PUM3: variants seen among roughly 807,000 people sequenced by gnomAD.
PUM3 encodes the protein pumilio RNA binding family member 3.
PUM3 carries 91 observed loss-of-function variants against 84.0 expected under a neutral mutation model. The observed-to-expected ratio is 1.08, with a 90% CI of 0.91 to 1.29. PUM3 has a LOEUF of 1.29. Among genes scored for constraint, PUM3 ranks in the 50% most tolerant of loss-of-function variants. The probability of loss-of-function intolerance (pLI) is 0.00; values close to 1 mark genes in which losing one functional copy is unlikely to be tolerated. For synonymous variants in PUM3, 321 were observed against 266.7 expected (o/e 1.20, Z -1.98); for missense variants, 1,067 against 767.5 (o/e 1.39, Z -4.61).
At chr9:2,825,216 C>A (rs75794714) in intron 10 of PUM3, among the ~76,000 whole-genome samples, 1,604 of 152,204 alleles carry the variant, frequency 0.011, 33 homozygotes, top group African/African-American at 0.037. Flanking sequence ...CAAAAGAGAC[C>A]TGTATGCAAT....
At chr9:2,820,994 G>T (rs952934877) in intron 12 of PUM3, among the ~76,000 whole-genome samples, 1 of 152,122 alleles carries the variant, frequency 6.6e-6, no homozygotes, top group African/African-American at 2.4e-5. Flanking sequence ...TTTGATTTTT[G>T]ATAATAGCCC....
chr9:2,825,181 G>C (rs193135638), intron 10 of PUM3, among the ~76,000 whole-genome samples: 1 of 152,226 alleles, frequency 6.6e-6, no homozygotes, highest in Non-Finnish European at 1.5e-5. Flanking sequence ...TAACAGAATA[G>C]CGAGACAAAG....
chr9:2,837,043 T>C (rs1364356578), intron 3 of PUM3, 137 bp downstream of exon 3: 2 of 702,418 alleles, frequency 2.8e-6, no homozygotes, highest in Admixed American at 4.9e-5. Flanking sequence ...AGATGCTTTG[T>C]TGTTTATTTA....
At chr9:2,822,430 A>T (rs1401153000) in intron 12 of PUM3, among the ~76,000 whole-genome samples, 1 of 152,040 alleles carries the variant, frequency 6.6e-6, no homozygotes, top group Non-Finnish European at 1.5e-5. Context: ...ATTCCAAATA[A>T]TCCATGGATC....
At chr9:2,809,420 GT>G (rs1469240520) in intron 16 of PUM3, among the ~76,000 whole-genome samples, 2 of 152,050 alleles carry the variant, frequency 1.3e-5, no homozygotes, top group African/African-American at 4.8e-5. Context: ...TATTCCATAT[GT>G]TATTTTTTTC....
chr9:2,833,932 G>A, intron 4 of PUM3, 99 bp downstream of exon 4: 4 of 1,277,528 alleles, frequency 3.1e-6, no homozygotes, highest in Non-Finnish European at 4.4e-6. Context: ...TAACCCAAGT[G>A]CTATGTCATT....
intron 1 of PUM3, among the ~76,000 whole-genome samples, chr9:2,843,396 A>G (rs949647285): frequency 5.9e-5 from 9 of 151,996 alleles, no homozygotes; most frequent in African/African-American, 2.2e-4. Context: ...GTTTCCTCCC[A>G]GCACTTAGAA....
rs367627528 is a variant in PUM3 at position 2,833,301 on chromosome 9, G to C, written c.516+56C>G. 14 of 903,878 alleles carry C rather than the reference G, an allele frequency of 1.5e-5. No homozygotes were observed. The African/African-American group carries it at 2.2e-4, about 14-fold the overall frequency. 56.0% of individuals were successfully genotyped at this position (903,878 alleles called of 1,614,324 possible). A position where few individuals can be genotyped will look rare whatever the true frequency, so the allele number is the denominator to read the frequency against. On this transcript the variant is annotated intron_variant, in intron 5 of 17. Transcript: ENST00000397885. ...CTGTCATGAATGGTCAGCTACTCCT[G>C]AGAGTGAGGCAACTTCAACTGTTAA...
In PUM3 at chr9:2,812,374, T is replaced by A. The variant is rs187851746; in HGVS notation, c.1270-12A>T. The stretch of plus-strand genomic sequence containing the variant: ...GAACTGATAATTTCCTATAAAATTA[T>A]AAACAAAAAAAAAGAATCAATATCT... On this transcript the variant is annotated splice_polypyrimidine_tract_variant and intron_variant, in intron 13 of 17. Coordinates refer to ENST00000397885, the MANE Select transcript of PUM3 (RefSeq NM_014878.5). The A allele has an allele frequency of 6.6e-7, 1 of 1,512,126 alleles. No individual in the cohort carries two copies. The highest frequency in any genetic ancestry group is 1.4e-5 in the African/African-American group (1 of 70,854). The allele number at this position is 1,512,126 out of a possible 1,614,324, so 93.7% of individuals were successfully genotyped here. A position where few individuals can be genotyped will look rare whatever the true frequency, so the allele number is the denominator to read the frequency against.
At position 2,833,265 on chromosome 9, in the gene PUM3, G is replaced by A. The variant is rs1300208219; in HGVS notation, c.516+92C>T. 6 of 588,282 alleles carry A rather than the reference G, an allele frequency of 1.0e-5. No individual in the cohort carries two copies. In the East Asian group the frequency reaches 1.9e-4, roughly 18 times the overall value. 36.4% of individuals were successfully genotyped at this position (588,282 alleles called of 1,614,324 possible). A position where few individuals can be genotyped will look rare whatever the true frequency, so the allele number is the denominator to read the frequency against. On this transcript the variant is annotated intron_variant, in intron 5 of 17. Transcript: ENST00000397885. The stretch of plus-strand genomic sequence containing the variant: ...TTTGGCCAAATACACCGGAAACAAT[G>A]ATAAGATCATCTGTCATGAATGGTC...
intron 16 of PUM3, 197 bp from the exon 17 acceptor site, chr9:2,808,101 T>C: frequency 1.9e-6 from 1 of 526,832 alleles, no homozygotes; most frequent in Non-Finnish European, 3.4e-6. Context: ...CCATTTCTTT[T>C]AACTCTGATC....
chr9:2,820,536 TACACACAC>T (rs201509056), intron 12 of PUM3, among the ~76,000 whole-genome samples: 10 of 151,132 alleles, frequency 6.6e-5, no homozygotes, highest in African/African-American at 1.9e-4. Flanking sequence ...TTTACACACA[TACACACAC>T]ACACACGATA....
chr9:2,841,197 T>A (rs1021089126), intron 1 of PUM3, among the ~76,000 whole-genome samples: 4 of 152,184 alleles, frequency 2.6e-5, no homozygotes, highest in African/African-American at 9.6e-5. Flanking sequence ...AGTTTCAGAA[T>A]TGCTAACCTG....
At chr9:2,815,105 G>A (rs147903331) in intron 13 of PUM3, among the ~76,000 whole-genome samples, 7 of 152,170 alleles carry the variant, frequency 4.6e-5, no homozygotes, top group African/African-American at 1.2e-4. Context: ...CTCCCTTTTG[G>A]TTTGTAATTA....
intron 17 of PUM3, 100 bp from the exon 18 acceptor site, chr9:2,804,563 G>C (rs1821223627): frequency 2.8e-6 from 3 of 1,084,272 alleles, no homozygotes; most frequent in African/African-American, 1.6e-5. Context: ...TGTGACACAA[G>C]CCTTGTAACT....
At chr9:2,827,913 G>A (rs1355236472) in intron 9 of PUM3, among the ~76,000 whole-genome samples, 1 of 152,184 alleles carries the variant, frequency 6.6e-6, no homozygotes, top group East Asian at 1.9e-4. Context: ...AATAGTTGGG[G>A]GAGTGGGGAA....
At chr9:2,811,083 C>T (rs1236099370) in intron 15 of PUM3, among the ~76,000 whole-genome samples, 1 of 152,210 alleles carries the variant, frequency 6.6e-6, no homozygotes, top group African/African-American at 2.4e-5. Flanking sequence ...TTCTCTTCCC[C>T]AATCGCAGGT....
chr9:2,840,001 G>A (rs1420014383), intron 1 of PUM3, among the ~76,000 whole-genome samples: 1 of 152,110 alleles, frequency 6.6e-6, no homozygotes, highest in Non-Finnish European at 1.5e-5. Context: ...TTCTGTACCA[G>A]GATACACTGA....
At chr9:2,818,589 C>T (rs930383786) in intron 13 of PUM3, among the ~76,000 whole-genome samples, 2 of 152,180 alleles carry the variant, frequency 1.3e-5, no homozygotes, top group African/African-American at 4.8e-5. Flanking sequence ...TCAGCCAATT[C>T]TATGGCCTCA....
Sources: allele counts gnomAD v4.1 joint callset (sites outside exome capture counted in the v4.1 genomes callset), GRCh38; gene constraint gnomAD v4.1.1; transcripts MANE v1.5; gene names NCBI Gene and HGNC (gene_info 2026-07-23, HGNC 2026-07-21).